The following SLC16A9 variants were observed in gnomAD, a reference collection of about 807,000 sequenced individuals.
The protein encoded by SLC16A9 is monocarboxylate transporter 9.
A neutral mutation model predicts 44.3 loss-of-function variants in SLC16A9; 26 were observed. That is an observed-to-expected ratio of 0.59 (90% CI 0.43 to 0.81). SLC16A9 has a LOEUF of 0.81. SLC16A9 is among the 40% of genes least tolerant of loss of function. The probability of loss-of-function intolerance (pLI) is 0.00; values close to 1 mark genes in which losing one functional copy is unlikely to be tolerated. For synonymous variants in SLC16A9, 230 were observed against 225.1 expected (o/e 1.02, Z -0.19); for missense variants, 559 against 595.8 (o/e 0.94, Z 0.64).
At chr10:59,694,141 G>A (rs542314907) in intron 1 of SLC16A9, among the ~76,000 whole-genome samples, 4 of 147,120 alleles carry the variant, frequency 2.7e-5, no homozygotes, top group African/African-American at 5.0e-5. Flanking sequence ...GGGTTTCACC[G>A]TGTAAATCAG....
At chr10:59,677,244 C>G (rs1185701077) in intron 2 of SLC16A9, among the ~76,000 whole-genome samples, 4 of 151,708 alleles carry the variant, frequency 2.6e-5, no homozygotes, top group African/African-American at 9.7e-5. Flanking sequence ...GTTACCACCA[C>G]TCCTGGCTAA....
At chr10:59,696,716 G>A (rs1266602947) in intron 1 of SLC16A9, among the ~76,000 whole-genome samples, 1 of 149,408 alleles carries the variant, frequency 6.7e-6, no homozygotes, top group East Asian at 2.0e-4. Flanking sequence ...CTGCCCTGCC[G>A]CCCCGTCTGG....
At chr10:59,672,704 C>A in intron 3 of SLC16A9, 66 bp downstream of exon 3, 1 of 1,444,388 alleles carries the variant, frequency 6.9e-7, no homozygotes. Context: ...GATCATAAAC[C>A]TGGCACTGGT....
chr10:59,667,907 C>G lies in SLC16A9; in HGVS notation c.341-3585G>C, dbSNP rs568496728. The stretch of plus-strand genomic sequence containing the variant: ...ATTTACATGTTGTAACATTTCTTTT[C>G]CACACTTTACCTTCCATTTCACACA... On this transcript the variant is annotated intron_variant, in intron 3 of 5. Coordinates refer to ENST00000395348, the MANE Select transcript of SLC16A9 (RefSeq NM_194298.3). Among the ~76,000 whole-genome samples, 12 of 152,192 alleles carry G rather than the reference C, an allele frequency of 7.9e-5. No individual in the cohort carries two copies. In the East Asian group the frequency reaches 2.1e-3, roughly 27 times the overall value.
intron 2 of SLC16A9, among the ~76,000 whole-genome samples, chr10:59,679,463 G>C (rs1224351197): frequency 6.6e-6 from 1 of 152,164 alleles, no homozygotes; most frequent in Non-Finnish European, 1.5e-5. Context: ...TGCAGAGGAG[G>C]CCATTAGGAA....
At chr10:59,693,395 CA>C (rs545492176) in intron 1 of SLC16A9, among the ~76,000 whole-genome samples, 30 of 151,534 alleles carry the variant, frequency 2.0e-4, no homozygotes, top group African/African-American at 7.1e-4. Context: ...CTTCTAAAGT[CA>C]AAAAAATATA....
intron 4 of SLC16A9, among the ~76,000 whole-genome samples, chr10:59,656,039 A>G (rs1373867806): frequency 6.6e-6 from 1 of 152,222 alleles, no homozygotes; most frequent in Non-Finnish European, 1.5e-5. Flanking sequence ...AAAAGGAAAA[A>G]AAACTTTGCA....
intron 1 of SLC16A9, among the ~76,000 whole-genome samples, chr10:59,694,080 G>A (rs1840314262): frequency 6.6e-6 from 1 of 152,006 alleles, no homozygotes; most frequent in Admixed American, 6.6e-5. Flanking sequence ...TGGGACTACA[G>A]GCGCCCGCCA....
chr10:59,703,361 TCTC>T (rs1564715350), intron 1 of SLC16A9, among the ~76,000 whole-genome samples: 1 of 152,196 alleles, frequency 6.6e-6, no homozygotes. Context: ...CTGAAGCAAT[TCTC>T]CTATCATGGC....
chr10:59,673,715 C>T (rs1252902741), intron 2 of SLC16A9, among the ~76,000 whole-genome samples: 1 of 152,214 alleles, frequency 6.6e-6, no homozygotes, highest in Non-Finnish European at 1.5e-5. Context: ...TTCTCACACA[C>T]TGCTGGCAGT....
chr10:59,703,082 G>A lies in SLC16A9; in HGVS notation c.-37+6397C>T, dbSNP rs182069021. On this transcript the variant is annotated intron_variant, in intron 1 of 5. Coordinates refer to ENST00000395348, the MANE Select transcript of SLC16A9 (RefSeq NM_194298.3). ...ATCTTGGAACTAAATCACACTAATC[G>A]TTCCTGAAAGGGACAATAAATACAG... is the stretch of plus-strand genomic sequence containing the variant. Among the ~76,000 whole-genome samples the A allele has an allele frequency of 1.1e-4, 16 of 152,286 alleles. No individual in the cohort carries two copies. In the East Asian group the frequency reaches 1.9e-3, roughly 18 times the overall value.
Position 59,653,936 on chromosome 10 carries a change from C to T in SLC16A9, c.1090G>A (p.Ala364Thr), listed in dbSNP as rs553581785. The T allele has an allele frequency of 1.2e-6, 2 of 1,613,994 alleles. No individual in the cohort carries two copies. The highest frequency in any genetic ancestry group is 2.2e-5 in the East Asian group (1 of 44,874). Residue 364 changes from alanine to threonine, a missense_variant, in exon 5 of 6, where the codon GCT (alanine) becomes ACT (threonine). Transcript: ENST00000395348. ...AVGKLLLGIL[A>T]DFKWINTLYL... is the part of the protein sequence containing the mutation. ...AAGGTATTAATCCACTTGAAGTCAG[C>T]CAGTATCCCTAAAAGCAGTTTACCA... is the stretch of plus-strand genomic sequence containing the variant.
intron 2 of SLC16A9, among the ~76,000 whole-genome samples, chr10:59,678,534 C>CTTTTTTTT (rs1839909825): frequency 2.4e-4 from 3 of 12,366 alleles, no homozygotes; most frequent in Non-Finnish European, 8.0e-4. Flanking sequence ...TTTTTTTTTT[C>CTTTTTTTT]TTTTTCTTTT....
chr10:59,685,077 T>C (rs1387599432), intron 1 of SLC16A9, among the ~76,000 whole-genome samples: 1 of 152,262 alleles, frequency 6.6e-6, no homozygotes, highest in South Asian at 2.1e-4. Context: ...AGTTTCTTTA[T>C]GCATTTATAA....
intron 1 of SLC16A9, among the ~76,000 whole-genome samples, chr10:59,694,646 C>T (rs1260072061): frequency 6.6e-6 from 1 of 150,810 alleles, no homozygotes; most frequent in African/African-American, 2.4e-5. Context: ...ACTAAAAATA[C>T]AAAAATTAGC....
Position 59,654,125 on chromosome 10 carries a change from A to C in SLC16A9, c.901T>G (p.Phe301Val), listed in dbSNP as rs1367759894. The C allele has an allele frequency of 6.2e-7, 1 of 1,614,144 alleles. No individual in the cohort carries two copies. Among genetic ancestry groups the C allele is most frequent in the Non-Finnish European group, 8.5e-7 (1 of 1,180,026 alleles). The change falls in exon 5 of 6, where the codon TTT (phenylalanine) becomes GTT (valine). Residue 301 changes from phenylalanine to valine, a missense_variant. Coordinates refer to ENST00000395348, the MANE Select transcript of SLC16A9 (RefSeq NM_194298.3). ...AGGGCTGAAAATACTTTGTTTTTAAAAAGAGCCACAGTTTCACCACAGTAG... is the reference window on the plus strand; with the variant it reads ...AGGGCTGAAAATACTTTGTTTTTAACAAGAGCCACAGTTTCACCACAGTAG... ...KNYCGETVAL[F>V]KNKVFSALFI...
In SLC16A9 at chr10:59,652,472, G is replaced by C. The variant is rs547720397; in HGVS notation, c.*300C>G. 2 of 215,188 alleles carry C rather than the reference G, an allele frequency of 9.3e-6. No homozygotes were observed. Among genetic ancestry groups the C allele is most frequent in the African/African-American group, 4.6e-5 (2 of 43,470 alleles). 13.3% of individuals were successfully genotyped at this position (215,188 alleles called of 1,614,324 possible). A position where few individuals can be genotyped will look rare whatever the true frequency, so the allele number is the denominator to read the frequency against. On this transcript the variant is annotated 3_prime_UTR_variant, in exon 6 of 6. Coordinates refer to ENST00000395348, the MANE Select transcript of SLC16A9 (RefSeq NM_194298.3). ...GAGAAATTATACTTCTTTACACAGA[G>C]AAAGCCTTCTGAGGCTGGTCAAACT...
intron 4 of SLC16A9, among the ~76,000 whole-genome samples, chr10:59,661,766 A>AACAAAAACAGCTTG (rs200819871): frequency 6.7e-6 from 1 of 150,344 alleles, no homozygotes; most frequent in African/African-American, 2.5e-5. Flanking sequence ...AGGCTACAGT[A>AACAAAAACAGCTTG]GTACTGGTAC....
At chr10:59,660,745 A>T (rs1475937783) in intron 4 of SLC16A9, among the ~76,000 whole-genome samples, 1 of 152,196 alleles carries the variant, frequency 6.6e-6, no homozygotes, top group African/African-American at 2.4e-5. Context: ...ATTGATACGA[A>T]TTTCCTCAAT....
Sources: gnomAD v4.1 joint callset for allele counts (sites outside exome capture counted in the v4.1 genomes callset) on GRCh38, gnomAD v4.1.1 for gene constraint, MANE v1.5 for transcripts, NCBI Gene and HGNC (gene_info 2026-07-23, HGNC 2026-07-21) for gene names.